LINGO2: variants seen among roughly 807,000 people sequenced by gnomAD.
LINGO2 encodes leucine-rich repeat and immunoglobulin-like domain-containing nogo receptor-interacting protein 2.
Under a neutral mutation model 30.6 loss-of-function variants are expected in LINGO2, and 14 were observed. That is an observed-to-expected ratio of 0.46 (90% CI 0.30 to 0.72). The LOEUF (loss-of-function observed/expected upper bound fraction) is 0.72, where lower values mean the gene tolerates loss of function less well. LINGO2 is among the 30% of genes least tolerant of loss of function. LINGO2 has a pLI of 0.07. For synonymous variants in LINGO2, 317 were observed against 288.5 expected (o/e 1.10, Z -1.00); for missense variants, 729 against 751.7 (o/e 0.97, Z 0.35).
chr9:27,976,511 G>GT (rs1221862580), intron 5 of LINGO2, among the ~76,000 whole-genome samples: 1 of 151,982 alleles, frequency 6.6e-6, no homozygotes, highest in African/African-American at 2.4e-5. Context: ...ATAATGCTAG[G>GT]TTTTTTTCTG....
intron 5 of LINGO2, among the ~76,000 whole-genome samples, chr9:27,990,370 C>G (rs973873750): frequency 1.3e-5 from 2 of 151,730 alleles, no homozygotes; most frequent in Non-Finnish European, 2.9e-5. Context: ...AGGATAGACA[C>G]AATGGCTTAT....
At chr9:28,314,987 G>GT (rs1165156670) in intron 3 of LINGO2, among the ~76,000 whole-genome samples, 2 of 147,766 alleles carry the variant, frequency 1.4e-5, no homozygotes, top group East Asian at 4.1e-4. Flanking sequence ...TCCAGCCTGG[G>GT]TGACAGAGCA....
intron 2 of LINGO2, among the ~76,000 whole-genome samples, chr9:28,391,906 G>A (rs1821850945): frequency 6.6e-6 from 1 of 152,094 alleles, no homozygotes; most frequent in African/African-American, 2.4e-5. Context: ...CCATAATTAT[G>A]TCCCTATAAA....
At chr9:28,680,502 G>C in the LINGO2 span, among the ~76,000 whole-genome samples, 21 of 151,912 alleles carry the variant, frequency 1.4e-4, no homozygotes, top group Admixed American at 1.1e-3. Context: ...GCATCATATG[G>C]TAATTCTATT....
chr9:28,189,273 AAGGGAGGGAGGG>A (rs1412279132), intron 4 of LINGO2, among the ~76,000 whole-genome samples: 1 of 46,692 alleles, frequency 2.1e-5, no homozygotes, highest in African/African-American at 8.3e-5. Flanking sequence ...GGGAGGGAGG[AAGGGAGGGAGGG>A]AGGGAGGAAG....
chr9:27,954,234 T>C (rs1819455529), intron 5 of LINGO2, among the ~76,000 whole-genome samples: 1 of 152,188 alleles, frequency 6.6e-6, no homozygotes, highest in African/African-American at 2.4e-5. Flanking sequence ...CGTTTTGAAA[T>C]ACACAATATA....
At chr9:28,174,921 TGAGAGAGAGA>T (rs71502440) in intron 4 of LINGO2, among the ~76,000 whole-genome samples, 1 of 133,308 alleles carries the variant, frequency 7.5e-6, no homozygotes, top group Admixed American at 7.8e-5. Context: ...TGTGTGTGTG[TGAGAGAGAGA>T]GAGAGAGAGA....
At chr9:28,525,596 G>T (rs966124380) in intron 1 of LINGO2, among the ~76,000 whole-genome samples, 1 of 152,118 alleles carries the variant, frequency 6.6e-6, no homozygotes, top group Non-Finnish European at 1.5e-5. Context: ...CTATTGATAA[G>T]AAGTGTCTAG....
chr9:28,255,183 C>T (rs12353133), intron 4 of LINGO2, among the ~76,000 whole-genome samples: 2,169 of 152,050 alleles, frequency 0.014, 41 homozygotes, highest in African/African-American at 0.05. Context: ...TTCCTTCCTT[C>T]CCTCCCTCTC....
At chr9:28,653,975 C>A (rs1828226187) in intron 1 of LINGO2, among the ~76,000 whole-genome samples, 1 of 151,986 alleles carries the variant, frequency 6.6e-6, no homozygotes, top group Non-Finnish European at 1.5e-5. Flanking sequence ...GCTTTTATTG[C>A]TAAGTATATT....
At chr9:27,969,890 C>G (rs570973921) in intron 5 of LINGO2, among the ~76,000 whole-genome samples, 44 of 152,044 alleles carry the variant, frequency 2.9e-4, no homozygotes, top group Non-Finnish European at 5.9e-4. Flanking sequence ...TGAGGTCCCT[C>G]TACCCATCTT....
chr9:28,411,548 G>T (rs1822763824), intron 2 of LINGO2, among the ~76,000 whole-genome samples: 1 of 151,970 alleles, frequency 6.6e-6, no homozygotes, highest in Non-Finnish European at 1.5e-5. Flanking sequence ...CTCTGTGTCT[G>T]ATTTCAACAA....
intron 5 of LINGO2, among the ~76,000 whole-genome samples, chr9:27,976,555 A>C (rs980404694): frequency 2.6e-5 from 4 of 152,196 alleles, no homozygotes; most frequent in Middle Eastern, 3.4e-3. Flanking sequence ...CAACAACTCT[A>C]GAAAGGAGGT....
intron 2 of LINGO2, among the ~76,000 whole-genome samples, chr9:28,452,682 T>C (rs535862311): frequency 6.6e-6 from 1 of 151,858 alleles, no homozygotes. Context: ...ATTACATCTG[T>C]TGGTCAAGGA....
intron 3 of LINGO2, among the ~76,000 whole-genome samples, chr9:28,348,689 G>C: frequency 6.6e-6 from 1 of 151,904 alleles, no homozygotes; most frequent in East Asian, 1.9e-4. Flanking sequence ...CTCCACCTCT[G>C]GGGGCAGGGC....
chr9:28,663,979 A>G (rs557927194), intron 1 of LINGO2, among the ~76,000 whole-genome samples: 279 of 152,268 alleles, frequency 1.8e-3, no homozygotes, highest in African/African-American at 6.4e-3. Flanking sequence ...TGATACAACA[A>G]TATTCATGAG....
the LINGO2 span, among the ~76,000 whole-genome samples, chr9:28,725,987 CAT>C: frequency 7.2e-5 from 11 of 152,228 alleles, 1 homozygote; most frequent in African/African-American, 2.2e-4. Flanking sequence ...AATAATAAAA[CAT>C]GTGCCAAAAT....
At chr9:28,977,067 T>C in the LINGO2 span, among the ~76,000 whole-genome samples, 1 of 152,162 alleles carries the variant, frequency 6.6e-6, no homozygotes, top group Admixed American at 6.6e-5. Context: ...CTCTACTTTT[T>C]CTGATTAGGA....
chr9:28,760,915 CGT>C, the LINGO2 span, among the ~76,000 whole-genome samples: 27 of 141,774 alleles, frequency 1.9e-4, no homozygotes, highest in African/African-American at 3.9e-4. Context: ...TATATACGTA[CGT>C]GTGTGTGTGT....
Sources: allele counts gnomAD v4.1 joint callset (sites outside exome capture counted in the v4.1 genomes callset), GRCh38; gene constraint gnomAD v4.1.1; transcripts MANE v1.5; gene names NCBI Gene and HGNC (gene_info 2026-07-23, HGNC 2026-07-21).